Variants in POF1B observed in about 807,000 individuals in gnomAD.
POF1B encodes the protein protein POF1B.
In POF1B, 53 loss-of-function variants were observed where a neutral mutation model predicts 55.3. That is an observed-to-expected ratio of 0.96 (90% CI 0.77 to 1.20). POF1B has a LOEUF of 1.20. POF1B is among the 50% of genes most tolerant of loss of function. The pLI, the probability that POF1B is intolerant of heterozygous loss-of-function variation, is 0.00. For missense variants in POF1B, 478 were observed against 420.5 expected, an observed-to-expected ratio of 1.14 and a Z score of -1.20; for synonymous variants, 188 against 148.3, an observed-to-expected ratio of 1.27 and a Z score of -1.95.
chrX:85,299,311 C>T (rs1444694921), intron 15 of POF1B, among the ~76,000 whole-genome samples: 4 of 94,658 alleles, frequency 4.2e-5, no homozygotes, highest in Admixed American at 2.4e-4. Flanking sequence ...TTTTTTGAGA[C>T]GGAGTCTCGC....
intron 7 of POF1B, among the ~76,000 whole-genome samples, chrX:85,317,034 G>A (rs781322983): frequency 4.0e-4 from 44 of 110,302 alleles, no homozygotes; most frequent in Non-Finnish European, 6.8e-4. Context: ...CTCCGTCCAT[G>A]TCCCTGCAAA....
intron 6 of POF1B, among the ~76,000 whole-genome samples, chrX:85,339,225 A>T (rs7061969): frequency 0.037 from 4,055 of 108,685 alleles, 162 homozygotes; most frequent in African/African-American, 0.11. Flanking sequence ...GTGCGGGGAA[A>T]CTCCCTCTTA....
At chrX:85,319,564 G>C (rs1422076592) in intron 7 of POF1B, among the ~76,000 whole-genome samples, 2 of 111,462 alleles carry the variant, frequency 1.8e-5, no homozygotes, top group Non-Finnish European at 3.8e-5. Flanking sequence ...TTTCTTGAGA[G>C]TTTTTAACAT....
At chrX:85,358,448 C>T (rs1005031628) in intron 4 of POF1B, among the ~76,000 whole-genome samples, 34 of 110,853 alleles carry the variant, frequency 3.1e-4, no homozygotes, top group African/African-American at 9.5e-4. Context: ...TAGTGTCTTC[C>T]CCATAGCAGG....
chrX:85,343,644 T>A (rs773659115), intron 6 of POF1B, among the ~76,000 whole-genome samples: 10 of 111,421 alleles, frequency 9.0e-5, no homozygotes, highest in Non-Finnish European at 1.7e-4. Context: ...TAGTATTTTA[T>A]GGATGAGGAT....
At chrX:85,376,694 T>G (rs1244202735) in intron 2 of POF1B, among the ~76,000 whole-genome samples, 1 of 111,133 alleles carries the variant, frequency 9.0e-6, no homozygotes, top group African/African-American at 3.3e-5. Flanking sequence ...ACCATTTTAG[T>G]GCACAAGAGG....
At chrX:85,292,453 A>T (rs1932212848) in intron 15 of POF1B, among the ~76,000 whole-genome samples, 1 of 111,672 alleles carries the variant, frequency 9.0e-6, no homozygotes. Context: ...GCCTCATAGA[A>T]CGAGCTAGGG....
At chrX:85,298,517 C>G (rs1310317981) in intron 15 of POF1B, among the ~76,000 whole-genome samples, 1 of 111,776 alleles carries the variant, frequency 8.9e-6, no homozygotes, top group Non-Finnish European at 1.9e-5. Context: ...GCAGTTTTCC[C>G]AGCTTTCTCC....
At chrX:85,350,678 A>C (rs1933364310) in intron 5 of POF1B, among the ~76,000 whole-genome samples, 1 of 111,242 alleles carries the variant, frequency 9.0e-6, no homozygotes, top group Non-Finnish European at 1.9e-5. Context: ...ATTTCTCCAC[A>C]TCCTGAACAG....
chrX:85,365,565 G>A (rs1047642891), intron 3 of POF1B, among the ~76,000 whole-genome samples: 3 of 111,654 alleles, frequency 2.7e-5, no homozygotes, highest in South Asian at 3.8e-4. Context: ...AATAGGTGGC[G>A]CTTAGACATA....
chrX:85,334,670 A>G (rs1367676363), intron 6 of POF1B, among the ~76,000 whole-genome samples: 1 of 111,105 alleles, frequency 9.0e-6, no homozygotes, highest in Non-Finnish European at 1.9e-5. Flanking sequence ...TTCTGGGAAA[A>G]TCTGTAGAAA....
chrX:85,302,549 T>C (rs925956138), intron 15 of POF1B, among the ~76,000 whole-genome samples: 2 of 111,180 alleles, frequency 1.8e-5, no homozygotes, highest in African/African-American at 6.5e-5. Context: ...CATAGAGTTA[T>C]CATGTGACCT....
intron 6 of POF1B, among the ~76,000 whole-genome samples, chrX:85,340,206 T>C (rs1933147028): frequency 9.0e-6 from 1 of 110,992 alleles, no homozygotes; most frequent in South Asian, 3.8e-4. Context: ...CGAGACAATC[T>C]GTACTAGACT....
chrX:85,354,121 C>T (rs1301144573), intron 4 of POF1B, among the ~76,000 whole-genome samples: 1 of 110,829 alleles, frequency 9.0e-6, no homozygotes, highest in Non-Finnish European at 1.9e-5. Context: ...GCTCAGTTTT[C>T]TTAGCATAGG....
chrX:85,308,181 C>A lies in POF1B; in HGVS notation c.993G>T (p.Val331=). Residue 331 remains valine (V), a synonymous_variant, in exon 10 of 17, where the codon GTG becomes GTT. Transcript: ENST00000262753. ...RGMSDKSLRL[V]LSTFSNIREE... ...CCCGTATGTTGCTAAATGTGGACAG[C>A]ACTAGTCGGAGTGACTTATCAGACA... 1 of 1,186,918 alleles carries A rather than the reference C, an allele frequency of 8.4e-7. No homozygotes were observed. Among genetic ancestry groups the A allele is most frequent in the Non-Finnish European group, 1.1e-6 (1 of 880,479 alleles).
At position 85,367,848 on chromosome X, in the gene POF1B, A is replaced by C. The variant is rs973576918; in HGVS notation, c.283-82T>G. The C allele has an allele frequency of 2.5e-5, 15 of 603,236 alleles. No individual in the cohort carries two copies. In the South Asian group the frequency reaches 3.6e-4, roughly 15 times the overall value. 49.7% of individuals were successfully genotyped at this position (603,236 alleles called of 1,213,427 possible). On this transcript the variant is annotated intron_variant, in intron 2 of 16. Transcript: ENST00000262753. The stretch of plus-strand genomic sequence containing the variant: ...GGTATTTTTTCTTTATTTTTATAAT[A>C]ATGTGGTTAGTCAGAAATAAGAGCA...
intron 2 of POF1B, among the ~76,000 whole-genome samples, chrX:85,375,934 A>T (rs1933913391): frequency 9.0e-6 from 1 of 111,485 alleles, no homozygotes; most frequent in Admixed American, 9.6e-5. Flanking sequence ...GTTTTACTTG[A>T]TAAAATGCTG....
chrX:85,289,529 T>C lies in POF1B; in HGVS notation c.1650-7212A>G, dbSNP rs992332163. On this transcript the variant is annotated intron_variant, in intron 15 of 16. Transcript: ENST00000262753. ...TGGCAGCTCCCAAGCCACACATATA[T>C]CCAATAGTGTAAAAATATAACTGGG... 4.5e-5 allele frequency among the ~76,000 whole-genome samples: 5 copies of C among 111,206 alleles called. No individual in the cohort carries two copies. In the Admixed American group the frequency reaches 4.8e-4, roughly 11 times the overall value.
intron 15 of POF1B, among the ~76,000 whole-genome samples, chrX:85,303,175 G>A (rs775805908): frequency 3.6e-5 from 4 of 111,189 alleles, no homozygotes; most frequent in Admixed American, 1.9e-4. Context: ...ACAATTATTT[G>A]TTTTTCACTT....
Sources: allele counts gnomAD v4.1 joint callset (sites outside exome capture counted in the v4.1 genomes callset), GRCh38; gene constraint gnomAD v4.1.1; transcripts MANE v1.5; gene names NCBI Gene and HGNC (gene_info 2026-07-23, HGNC 2026-07-21).